The following ATP8B1 variants were observed in gnomAD, a reference collection of about 807,000 sequenced individuals.
The protein encoded by ATP8B1 is ATPase phospholipid transporting 8B1.
Under a neutral mutation model 149.9 loss-of-function variants are expected in ATP8B1, and 80 were observed. The observed-to-expected ratio is 0.53, with a 90% confidence interval of 0.45 to 0.64. ATP8B1 has a LOEUF of 0.64. Among genes scored for constraint, ATP8B1 ranks in the 30% least tolerant of loss-of-function variants. The pLI, the probability that ATP8B1 is intolerant of heterozygous loss-of-function variation, is 0.00. For synonymous variants in ATP8B1, 536 were observed against 562.8 expected (o/e 0.95, Z 0.67); for missense variants, 1,247 against 1,552.6 (o/e 0.80, Z 3.31).
At chr18:57,779,349 G>T (rs949581487) in intron 1 of ATP8B1, among the ~76,000 whole-genome samples, 31 of 151,416 alleles carry the variant, frequency 2.0e-4, no homozygotes, top group Admixed American at 1.6e-3. Context: ...AGGAGAAGGA[G>T]AAGAAGAAAG....
At chr18:57,769,660 G>A (rs574480278) in intron 1 of ATP8B1, among the ~76,000 whole-genome samples, 7 of 152,262 alleles carry the variant, frequency 4.6e-5, no homozygotes, top group Admixed American at 3.3e-4. Context: ...GGCAAGAAAC[G>A]GCCAAAGATG....
At chr18:57,698,579 C>A (rs566112153) in intron 6 of ATP8B1, among the ~76,000 whole-genome samples, 13 of 152,312 alleles carry the variant, frequency 8.5e-5, no homozygotes, top group African/African-American at 2.9e-4. Context: ...AGGTGATCCA[C>A]CCACCTCGGC....
intron 16 of ATP8B1, among the ~76,000 whole-genome samples, chr18:57,674,328 T>C (rs1273243077): frequency 6.7e-6 from 1 of 150,188 alleles, no homozygotes; most frequent in African/African-American, 2.4e-5. Context: ...TCAGAGATAC[T>C]GTGGCTACCC....
intron 1 of ATP8B1, chr18:57,740,567 T>TC (rs1287168292): frequency 1.7e-5 from 2 of 117,484 alleles, no homozygotes; most frequent in African/African-American, 6.8e-5. Flanking sequence ...TCTTTTTTCT[T>TC]CCTTTTTTTT....
chr18:57,679,506 A>G lies in ATP8B1; in HGVS notation c.1631-4484T>C, dbSNP rs371429877. Among the ~76,000 whole-genome samples, 155 of 152,278 alleles carry G rather than the reference A, an allele frequency of 1.0e-3. 1 individual carries two copies. The highest frequency in any genetic ancestry group is 3.6e-3 in the African/African-American group (149 of 41,528). On this transcript the variant is annotated intron_variant, in intron 15 of 27. Coordinates refer to ENST00000648908, the MANE Select transcript of ATP8B1 (RefSeq NM_001374385.1). ...AGACCTTCTTTTTCTTTCACACACTAATTTGTGGCTCATGAAATTGATGTA... is the reference window on the plus strand; with the variant it reads ...AGACCTTCTTTTTCTTTCACACACTGATTTGTGGCTCATGAAATTGATGTA...
chr18:57,762,950 A>G (rs1308882649), intron 1 of ATP8B1, among the ~76,000 whole-genome samples: 1 of 152,214 alleles, frequency 6.6e-6, no homozygotes, highest in Non-Finnish European at 1.5e-5. Flanking sequence ...CTTGATCCAA[A>G]GATAACTGGC....
chr18:57,740,008 C>T (rs2079895521), intron 1 of ATP8B1, among the ~76,000 whole-genome samples: 1 of 152,192 alleles, frequency 6.6e-6, no homozygotes, highest in South Asian at 2.1e-4. Flanking sequence ...GGCCCACTAC[C>T]TATTTTTTTA....
intron 2 of ATP8B1, among the ~76,000 whole-genome samples, chr18:57,716,888 C>T (rs558532461): frequency 7.9e-5 from 12 of 152,260 alleles, no homozygotes; most frequent in African/African-American, 2.4e-4. Flanking sequence ...TTCCTCAGCA[C>T]GTGGATCATT....
intron 2 of ATP8B1, among the ~76,000 whole-genome samples, chr18:57,715,376 A>G (rs2079574352): frequency 1.3e-5 from 2 of 152,152 alleles, no homozygotes; most frequent in Admixed American, 1.3e-4. Context: ...GATCTAGAAA[A>G]TAGACTTAAA....
intron 16 of ATP8B1, among the ~76,000 whole-genome samples, chr18:57,672,977 ACAC>A: frequency 2.5e-5 from 2 of 80,498 alleles, no homozygotes; most frequent in African/African-American, 4.8e-5. Context: ...ACATATATAC[ACAC>A]ATATATAAAT....
In ATP8B1 at chr18:57,685,124, C is replaced by T. The variant is rs1912168877; in HGVS notation, c.1430-9G>A. ...GGCATCCCGATGGTCCCCTGAGAAA[C>T]AAACAGGACAAAACAAATTGATTCT... On this transcript the variant is annotated splice_polypyrimidine_tract_variant and intron_variant, in intron 13 of 27. Transcript: ENST00000648908. 3 of 1,613,990 alleles carry T rather than the reference C, an allele frequency of 1.9e-6. No homozygotes were observed. Among genetic ancestry groups the T allele is most frequent in the African/African-American group, 1.3e-5 (1 of 74,906 alleles).
intron 16 of ATP8B1, among the ~76,000 whole-genome samples, chr18:57,672,656 C>T (rs541147842): frequency 2.6e-5 from 4 of 151,786 alleles, no homozygotes; most frequent in Middle Eastern, 3.4e-3. Context: ...CACCTGAGGT[C>T]GGCAGTTGGA....
At chr18:57,794,404 TG>T (rs1485187676) in intron 1 of ATP8B1, among the ~76,000 whole-genome samples, 1 of 150,332 alleles carries the variant, frequency 6.7e-6, no homozygotes, top group Non-Finnish European at 1.5e-5. Flanking sequence ...TGCTACAGTC[TG>T]TAACTGACCT....
chr18:57,684,366 C>A (rs776280214), intron 14 of ATP8B1, among the ~76,000 whole-genome samples, 174 bp from the exon 15 acceptor site: 3 of 151,232 alleles, frequency 2.0e-5, no homozygotes, highest in Non-Finnish European at 2.9e-5. Context: ...AAGCTCCCCC[C>A]CTTTTTTTTT....
intron 19 of ATP8B1, chr18:57,667,992 C>A: frequency 2.7e-6 from 3 of 1,117,650 alleles, no homozygotes; most frequent in South Asian, 1.5e-5. Context: ...AAATTAAAAT[C>A]GTTCTTTCCT....
At chr18:57,745,974 G>C (rs1031833698) in intron 1 of ATP8B1, among the ~76,000 whole-genome samples, 7 of 152,068 alleles carry the variant, frequency 4.6e-5, no homozygotes, top group Non-Finnish European at 1.5e-5. Context: ...ACATTTTTAT[G>C]TTTTAGTATA....
rs1444136054 is a variant in ATP8B1, at chr18:57,646,679, AAG to A, written c.*1807_*1808del. The A allele has an allele frequency of 2.6e-5, 4 of 152,678 alleles. No individual in the cohort carries two copies. Among genetic ancestry groups the A allele is most frequent in the African/African-American group, 7.2e-5 (3 of 41,472 alleles). 9.5% of individuals were successfully genotyped at this position (152,678 alleles called of 1,614,324 possible). ...ACACAAGCTAAGTTTTCTGTAAAAA[AAG>A]AAAAAACTTACAATTTTTTATTTAC... On this transcript the variant is annotated 3_prime_UTR_variant, in exon 28 of 28. Coordinates refer to ENST00000648908, the MANE Select transcript of ATP8B1 (RefSeq NM_001374385.1).
intron 20 of ATP8B1, among the ~76,000 whole-genome samples, chr18:57,664,959 T>TA (rs1487068052): frequency 6.6e-6 from 1 of 152,174 alleles, no homozygotes; most frequent in Non-Finnish European, 1.5e-5. Context: ...GTCTTGGGCC[T>TA]AATAATCCTT....
chr18:57,688,516 A>T lies in ATP8B1; in HGVS notation c.1221-9T>A, dbSNP rs753177167. On this transcript the variant is annotated splice_polypyrimidine_tract_variant and intron_variant, in intron 12 of 27. Transcript: ENST00000648908. ...GACGAATCACTTCCACGCTAGGAAGACAGAAGATTATTTTCCGTAGAGAGC... is the reference window on the plus strand; with the variant it reads ...GACGAATCACTTCCACGCTAGGAAGTCAGAAGATTATTTTCCGTAGAGAGC... 1.1e-5 allele frequency: 17 copies of T among 1,613,730 alleles called. No homozygotes were observed. Among genetic ancestry groups the T allele is most frequent in the Non-Finnish European group, 1.4e-5 (17 of 1,179,734 alleles).
Sources: allele counts gnomAD v4.1 joint callset (sites outside exome capture counted in the v4.1 genomes callset), GRCh38; gene constraint gnomAD v4.1.1; transcripts MANE v1.5; gene names NCBI Gene and HGNC (gene_info 2026-07-23, HGNC 2026-07-21).